FBXO16: variants seen among roughly 807,000 people sequenced by gnomAD.
FBXO16 encodes the protein F-box protein 16.
In FBXO16, 31 loss-of-function variants were observed where a neutral mutation model predicts 41.0. The observed-to-expected ratio is 0.76, with a 90% confidence interval of 0.57 to 1.02. The LOEUF (loss-of-function observed/expected upper bound fraction) is 1.02. Among genes scored for constraint, FBXO16 ranks in the 50% least tolerant of loss-of-function variants. FBXO16 has a pLI of 0.00. For synonymous variants in FBXO16, 133 were observed against 117.8 expected (o/e 1.13, Z -0.84); for missense variants, 361 against 346.2 (o/e 1.04, Z -0.34).
intron 2 of FBXO16, among the ~76,000 whole-genome samples, chr8:28,476,569 A>G (rs1803426444): frequency 6.6e-6 from 1 of 152,216 alleles, no homozygotes; most frequent in Admixed American, 6.5e-5. Context: ...AAATATTAAA[A>G]TGGATCTTCT....
intron 1 of FBXO16, among the ~76,000 whole-genome samples, chr8:28,484,383 T>G (rs1803567375): frequency 6.6e-6 from 1 of 152,126 alleles, no homozygotes; most frequent in Admixed American, 6.5e-5. Flanking sequence ...GGGGGAAACT[T>G]GCTATTTTTA....
At chr8:28,440,253 A>T (rs1238677504) in intron 7 of FBXO16, among the ~76,000 whole-genome samples, 2 of 151,918 alleles carry the variant, frequency 1.3e-5, no homozygotes, top group Non-Finnish European at 2.9e-5. Flanking sequence ...CAGGCATGCG[A>T]CACCACACCT....
chr8:28,440,566 C>T (rs538145415), intron 7 of FBXO16, among the ~76,000 whole-genome samples: 60 of 152,226 alleles, frequency 3.9e-4, no homozygotes, highest in African/African-American at 9.1e-4. Flanking sequence ...GTGGTTCCCC[C>T]CCACCCCTTT....
At chr8:28,453,551 C>G (rs1212632443) in intron 5 of FBXO16, among the ~76,000 whole-genome samples, 1 of 151,820 alleles carries the variant, frequency 6.6e-6, no homozygotes, top group Admixed American at 6.6e-5. Context: ...AAGGAAAGTA[C>G]TACTGGTATG....
At chr8:28,480,470 T>A (rs1226380361) in intron 2 of FBXO16, among the ~76,000 whole-genome samples, 2 of 152,128 alleles carry the variant, frequency 1.3e-5, no homozygotes, top group East Asian at 3.9e-4. Flanking sequence ...ACCTGAACTC[T>A]GATTCAATTT....
chr8:28,465,246 C>T (rs528158246), intron 3 of FBXO16: 14 of 181,836 alleles, frequency 7.7e-5, no homozygotes, highest in Non-Finnish European at 1.7e-4. Flanking sequence ...AATCAGGTAG[C>T]ATCCCATCAA....
intron 7 of FBXO16, among the ~76,000 whole-genome samples, chr8:28,441,499 G>T (rs1802773778): frequency 6.6e-6 from 1 of 152,136 alleles, no homozygotes; most frequent in African/African-American, 2.4e-5. Context: ...ACTTTGGGAG[G>T]CCAAGGTGGG....
chr8:28,462,681 C>T (rs779840728), intron 4 of FBXO16, among the ~76,000 whole-genome samples: 1 of 152,194 alleles, frequency 6.6e-6, no homozygotes, highest in Non-Finnish European at 1.5e-5. Flanking sequence ...TATGAAAAGA[C>T]TCAACAAAAT....
At chr8:28,447,468 T>C (rs1187955394) in intron 6 of FBXO16, 195 bp from the exon 7 acceptor site, 1 of 525,374 alleles carries the variant, frequency 1.9e-6, no homozygotes, top group Non-Finnish European at 3.4e-6. Context: ...AATGCAGTAC[T>C]ATGAGCTGCA....
intron 6 of FBXO16, among the ~76,000 whole-genome samples, chr8:28,449,631 T>C (rs1032490858): frequency 6.6e-6 from 1 of 152,030 alleles, no homozygotes; most frequent in African/African-American, 2.4e-5. Flanking sequence ...CCTGATCTTC[T>C]TGGGAGTTCA....
intron 7 of FBXO16, among the ~76,000 whole-genome samples, chr8:28,439,727 C>T (rs1802737062): frequency 1.3e-5 from 2 of 149,936 alleles, no homozygotes; most frequent in Non-Finnish European, 3.0e-5. Flanking sequence ...GCCTGAGTGA[C>T]AGAGTGAGAC....
intron 7 of FBXO16, among the ~76,000 whole-genome samples, chr8:28,432,529 A>C (rs1450536497): frequency 6.6e-6 from 1 of 152,168 alleles, no homozygotes; most frequent in East Asian, 1.9e-4. Context: ...AAATTAATAC[A>C]GGAAGAACTT....
intron 1 of FBXO16, among the ~76,000 whole-genome samples, chr8:28,484,588 T>C (rs572956573): frequency 6.6e-6 from 1 of 152,324 alleles, no homozygotes; most frequent in East Asian, 1.9e-4. Context: ...TATTTTATTT[T>C]ATTAACTGAT....
intron 3 of FBXO16, among the ~76,000 whole-genome samples, chr8:28,467,716 G>A (rs187741252): frequency 7.9e-5 from 12 of 152,288 alleles, no homozygotes; most frequent in African/African-American, 2.9e-4. Context: ...GTTGCAGAAT[G>A]AGTGATTTAA....
Position 28,483,248 on chromosome 8 carries a change from A to G in FBXO16, c.99+100T>C, listed in dbSNP as rs985523455. On this transcript the variant is annotated intron_variant, in intron 2 of 8. Coordinates refer to ENST00000380254, the MANE Select transcript of FBXO16 (RefSeq NM_172366.4). The stretch of plus-strand genomic sequence containing the variant: ...TTGGTTTTTATTCATCCATTACACA[A>G]TCTTAAATAATCCCTGTTCATATTT... 5 of 1,126,700 alleles carry G rather than the reference A, an allele frequency of 4.4e-6. No individual in the cohort carries two copies. In the African/African-American group the frequency reaches 7.9e-5, roughly 18 times the overall value. The allele number at this position is 1,126,700 out of a possible 1,614,324, so 69.8% of individuals were successfully genotyped here. A position where few individuals can be genotyped will look rare whatever the true frequency, so the allele number is the denominator to read the frequency against.
At chr8:28,446,176 CTTTTTTTTTTTT>C (rs11421643) in intron 7 of FBXO16, among the ~76,000 whole-genome samples, 58 of 83,076 alleles carry the variant, frequency 7.0e-4, no homozygotes, top group African/African-American at 2.4e-3. Context: ...TGCATTTTTC[CTTTTTTTTTTTT>C]TTTTTTTTTT....
At chr8:28,475,110 T>A (rs976137601) in intron 2 of FBXO16, among the ~76,000 whole-genome samples, 1 of 152,212 alleles carries the variant, frequency 6.6e-6, no homozygotes, top group Admixed American at 6.5e-5. Context: ...CTTGCTACAT[T>A]CTCTAGTGCT....
chr8:28,446,176 CTTTTTTTTTTT>C (rs11421643), intron 7 of FBXO16, among the ~76,000 whole-genome samples: 1 of 83,080 alleles, frequency 1.2e-5, no homozygotes, highest in Non-Finnish European at 2.2e-5. Flanking sequence ...TGCATTTTTC[CTTTTTTTTTTT>C]TTTTTTTTTT....
chr8:28,428,691 C>T lies in FBXO16; in HGVS notation c.*36G>A, dbSNP rs776334367. 2.0e-5 allele frequency: 32 copies of T among 1,573,154 alleles called. No individual in the cohort carries two copies. In the Admixed American group the frequency reaches 3.7e-4, roughly 18 times the overall value. On this transcript the variant is annotated 3_prime_UTR_variant, in exon 9 of 9. Transcript: ENST00000380254. ...CCCACTGACTCAGGGGGAGGCCAGGCGAGATGAGCTGGAACTTTTAGGGGA... is the reference window on the plus strand; with the variant it reads ...CCCACTGACTCAGGGGGAGGCCAGGTGAGATGAGCTGGAACTTTTAGGGGA...
Sources: gnomAD v4.1 joint callset for allele counts (sites outside exome capture counted in the v4.1 genomes callset) on GRCh38, gnomAD v4.1.1 for gene constraint, MANE v1.5 for transcripts, NCBI Gene and HGNC (gene_info 2026-07-23, HGNC 2026-07-21) for gene names.